PTH2R: variants seen among roughly 807,000 people sequenced by gnomAD.
The protein encoded by PTH2R is PTH2 receptor.
In PTH2R, 59 loss-of-function variants were observed where a neutral mutation model predicts 60.3. That is an observed-to-expected ratio of 0.98 (90% CI 0.79 to 1.22). The LOEUF (loss-of-function observed/expected upper bound fraction) is 1.22, where lower values mean the gene tolerates loss of function less well. Among genes scored for constraint, PTH2R ranks in the 50% most tolerant of loss-of-function variants. The pLI is 0.00. For missense variants in PTH2R, 749 were observed against 682.6 expected, an observed-to-expected ratio of 1.10 and a Z score of -1.08; for synonymous variants, 256 against 243.8, an observed-to-expected ratio of 1.05 and a Z score of -0.47.
intron 9 of PTH2R, among the ~76,000 whole-genome samples, 179 bp downstream of exon 9, chr2:208,460,140 A>G (rs16841236): frequency 0.079 from 12,081 of 152,180 alleles, 519 homozygotes; most frequent in Non-Finnish European, 0.084. Context: ...TGACACTGAG[A>G]TCCATGCAGA....
At chr2:208,424,614 A>G (rs1361534380) in intron 1 of PTH2R, among the ~76,000 whole-genome samples, 1 of 152,282 alleles carries the variant, frequency 6.6e-6, no homozygotes, top group Middle Eastern at 3.4e-3. Context: ...TGGTGCTGAG[A>G]TGCACCTGTC....
intron 1 of PTH2R, among the ~76,000 whole-genome samples, chr2:208,393,824 T>C (rs1003109028): frequency 2.0e-5 from 3 of 152,192 alleles, no homozygotes; most frequent in African/African-American, 7.2e-5. Context: ...TGAACCCTTA[T>C]GGCACCACTC....
At chr2:208,415,722 G>GTGCT (rs1184550757) in intron 1 of PTH2R, among the ~76,000 whole-genome samples, 1 of 152,122 alleles carries the variant, frequency 6.6e-6, no homozygotes, top group African/African-American at 2.4e-5. Context: ...ATTCCCAGCT[G>GTGCT]ATAGCACAGC....
intron 1 of PTH2R, among the ~76,000 whole-genome samples, chr2:208,427,622 A>G (rs1701883058): frequency 6.6e-6 from 1 of 152,148 alleles, no homozygotes; most frequent in South Asian, 2.1e-4. Context: ...AATAATACCC[A>G]GCTACGCATC....
intron 1 of PTH2R, among the ~76,000 whole-genome samples, chr2:208,389,997 T>C (rs1165670631): frequency 6.6e-6 from 1 of 152,154 alleles, no homozygotes; most frequent in Non-Finnish European, 1.5e-5. Flanking sequence ...TTTTACATTA[T>C]AGTCAAGATG....
chr2:208,427,051 G>T (rs2105852905), intron 1 of PTH2R, among the ~76,000 whole-genome samples: 1 of 152,160 alleles, frequency 6.6e-6, no homozygotes, highest in East Asian at 1.9e-4. Flanking sequence ...AAATAAAAAA[G>T]AATATTTTCG....
chr2:208,460,217 A>G (rs1000740344), intron 9 of PTH2R, among the ~76,000 whole-genome samples: 4 of 152,108 alleles, frequency 2.6e-5, no homozygotes, highest in Non-Finnish European at 4.4e-5. Context: ...ATGAGCATTT[A>G]TATGTTTAGG....
intron 1 of PTH2R, among the ~76,000 whole-genome samples, chr2:208,397,717 G>GA (rs1440506465): frequency 2.0e-5 from 3 of 152,160 alleles, no homozygotes; most frequent in Non-Finnish European, 2.9e-5. Context: ...AGTAGCCGGT[G>GA]AAAAAACTGG....
At chr2:208,479,357 A>G (rs1009060288) in intron 9 of PTH2R, among the ~76,000 whole-genome samples, 4 of 152,176 alleles carry the variant, frequency 2.6e-5, no homozygotes, top group Admixed American at 6.5e-5. Context: ...TTTCCGGGAT[A>G]AGGTGTGACA....
At chr2:208,428,415 T>TGGAAATGTGGA in intron 2 of PTH2R, 112 bp downstream of exon 2, 7 of 731,666 alleles carry the variant, frequency 9.6e-6, no homozygotes, top group South Asian at 1.8e-5. Flanking sequence ...TCAATCCACA[T>TGGAAATGTGGA]TTCCATGTGG....
chr2:208,420,516 T>C (rs2105845990), intron 1 of PTH2R, among the ~76,000 whole-genome samples: 1 of 151,856 alleles, frequency 6.6e-6, no homozygotes, highest in South Asian at 2.1e-4. Context: ...CAAAATACTA[T>C]ATTGCACTTA....
chr2:208,395,519 T>A (rs534792209), intron 1 of PTH2R, among the ~76,000 whole-genome samples: 1 of 152,350 alleles, frequency 6.6e-6, no homozygotes, highest in African/African-American at 2.4e-5. Context: ...GGAAGAACTC[T>A]GTTCCTAGAA....
chr2:208,362,196 T>C (rs189398400), intron 1 of PTH2R, among the ~76,000 whole-genome samples: 260 of 152,356 alleles, frequency 1.7e-3, no homozygotes, highest in Non-Finnish European at 2.7e-3. Context: ...GGGGTTTCAC[T>C]GTATGTTTCC....
chr2:208,462,502 G>A (rs568575747), intron 9 of PTH2R, among the ~76,000 whole-genome samples: 5 of 152,212 alleles, frequency 3.3e-5, no homozygotes, highest in African/African-American at 7.2e-5. Flanking sequence ...CAGTGGCACC[G>A]GTTCAGAGGA....
chr2:208,431,411 G>A (rs11903831), intron 2 of PTH2R, among the ~76,000 whole-genome samples: 5,096 of 152,122 alleles, frequency 0.033, 84 homozygotes, highest in Middle Eastern at 0.058. Context: ...ATTTCCTTGT[G>A]TGTCTAATGA....
At chr2:208,484,810 A>G (rs762411049) in intron 10 of PTH2R, among the ~76,000 whole-genome samples, 7 of 152,208 alleles carry the variant, frequency 4.6e-5, no homozygotes, top group Non-Finnish European at 1.0e-4. Flanking sequence ...CTGAATGGAT[A>G]CTTTCTCTCT....
chr2:208,370,134 T>C (rs1700666625), intron 1 of PTH2R, among the ~76,000 whole-genome samples: 1 of 152,014 alleles, frequency 6.6e-6, no homozygotes, highest in Non-Finnish European at 1.5e-5. Context: ...AAATTGTGTC[T>C]AATCTATATC....
intron 1 of PTH2R, among the ~76,000 whole-genome samples, chr2:208,382,063 G>A (rs1177387876): frequency 3.9e-5 from 6 of 152,126 alleles, no homozygotes; most frequent in African/African-American, 1.5e-4. Context: ...AATACATAGT[G>A]TTTGAGTCTG....
intron 10 of PTH2R, among the ~76,000 whole-genome samples, chr2:208,484,530 A>AT (rs1023164136): frequency 3.3e-5 from 5 of 152,148 alleles, no homozygotes; most frequent in African/African-American, 1.2e-4. Context: ...TGGATAATAC[A>AT]TTTTTTTCCT....
Sources: gnomAD v4.1 joint callset for allele counts (sites outside exome capture counted in the v4.1 genomes callset) on GRCh38, gnomAD v4.1.1 for gene constraint, MANE v1.5 for transcripts, NCBI Gene and HGNC (gene_info 2026-07-23, HGNC 2026-07-21) for gene names.